IL1RAPL1: variants seen among roughly 807,000 people sequenced by gnomAD.
IL1RAPL1 encodes interleukin-1 receptor accessory protein-like 1.
Under a neutral mutation model 48.4 loss-of-function variants are expected in IL1RAPL1, and 3 were observed. The observed-to-expected ratio is 0.06, with a 90% CI of 0.03 to 0.16. The LOEUF (loss-of-function observed/expected upper bound fraction) is 0.16, where lower values mean the gene tolerates loss of function less well. Ranked by LOEUF, IL1RAPL1 falls within the 10% of genes least tolerant of loss-of-function variation. The pLI is 1.00. For synonymous variants in IL1RAPL1, 185 were observed against 187.7 expected, an observed-to-expected ratio of 0.99 and a Z score of 0.12; for missense variants, 349 against 530.6, an observed-to-expected ratio of 0.66 and a Z score of 3.36.
intron 2 of IL1RAPL1, among the ~76,000 whole-genome samples, chrX:29,106,946 G>C (rs1046629383): frequency 9.0e-6 from 1 of 111,076 alleles, no homozygotes; most frequent in African/African-American, 3.3e-5. Context: ...AGGGGAAATG[G>C]GCCCCATAAA....
chrX:29,320,919 T>A (rs188297880), intron 3 of IL1RAPL1, among the ~76,000 whole-genome samples: 92 of 111,267 alleles, frequency 8.3e-4, no homozygotes, highest in African/African-American at 3.0e-3. Flanking sequence ...ATTATTATTA[T>A]TAATAATATT....
intron 6 of IL1RAPL1, among the ~76,000 whole-genome samples, chrX:29,910,323 C>G (rs1248251557): frequency 1.8e-5 from 2 of 109,864 alleles, no homozygotes; most frequent in Non-Finnish European, 3.8e-5. Context: ...ACACCAAACC[C>G]CTGTGACATA....
At chrX:29,607,785 A>G (rs762099939) in intron 5 of IL1RAPL1, among the ~76,000 whole-genome samples, 11 of 111,183 alleles carry the variant, frequency 9.9e-5, no homozygotes, top group Non-Finnish European at 1.5e-4. Flanking sequence ...CTTCTTCCTC[A>G]TCTCATGTTA....
chrX:29,294,949 CAG>C (rs1215153154), intron 3 of IL1RAPL1, among the ~76,000 whole-genome samples: 1 of 111,157 alleles, frequency 9.0e-6, no homozygotes, highest in Non-Finnish European at 1.9e-5. Flanking sequence ...GAATGGAAAA[CAG>C]AAAGCAGTTT....
intron 2 of IL1RAPL1, among the ~76,000 whole-genome samples, chrX:29,266,908 T>C (rs1931964065): frequency 8.9e-6 from 1 of 111,819 alleles, no homozygotes; most frequent in Admixed American, 9.5e-5. Context: ...GGCTAGCTCA[T>C]CTTTTCTAAT....
chrX:29,511,000 CCTT>C (rs1338670168), intron 5 of IL1RAPL1, among the ~76,000 whole-genome samples: 2 of 111,747 alleles, frequency 1.8e-5, no homozygotes, highest in African/African-American at 3.3e-5. Context: ...TGCTTGAACT[CCTT>C]CTTTATAGTC....
At chrX:28,859,660 G>A (rs887752353) in intron 2 of IL1RAPL1, among the ~76,000 whole-genome samples, 22 of 108,962 alleles carry the variant, frequency 2.0e-4, no homozygotes, top group Non-Finnish European at 3.8e-4. Flanking sequence ...CTAGGTTATG[G>A]TATTTATGTT....
chrX:29,879,133 G>C lies in IL1RAPL1; in HGVS notation c.779-38331G>C, dbSNP rs891349134. ...ACATGGATAGATCTCAAAGACATTA[G>C]GATGAGTGAAACGATCTGGTCTGAA... On this transcript the variant is annotated intron_variant, in intron 6 of 10. Transcript: ENST00000378993. 4.5e-5 allele frequency among the ~76,000 whole-genome samples: 5 copies of C among 111,256 alleles called. No individual in the cohort carries two copies. The Admixed American group carries it at 4.8e-4, about 11-fold the overall frequency.
At chrX:28,647,532 T>C (rs1934628086) in intron 1 of IL1RAPL1, among the ~76,000 whole-genome samples, 1 of 112,315 alleles carries the variant, frequency 8.9e-6, no homozygotes, top group Non-Finnish European at 1.9e-5. Flanking sequence ...TTCTACAGAG[T>C]CTTAGTAGGA....
intron 6 of IL1RAPL1, among the ~76,000 whole-genome samples, chrX:29,773,940 G>T (rs1292672158): frequency 8.9e-6 from 1 of 111,968 alleles, no homozygotes; most frequent in Non-Finnish European, 1.9e-5. Context: ...TATGCCTCAT[G>T]CACATGTAAC....
intron 5 of IL1RAPL1, among the ~76,000 whole-genome samples, chrX:29,428,324 G>A (rs1223818957): frequency 9.0e-6 from 1 of 111,700 alleles, no homozygotes; most frequent in Non-Finnish European, 1.9e-5. Context: ...AGTAGGGATT[G>A]CACCGGATAG....
In IL1RAPL1 at chrX:29,302,151, G is replaced by A. The variant is rs370454575; in HGVS notation, c.362+18934G>A. Among the ~76,000 whole-genome samples the A allele has an allele frequency of 9.8e-5, 11 of 111,695 alleles. No homozygotes were observed. The East Asian group carries it at 1.7e-3, about 17-fold the overall frequency. On this transcript the variant is annotated intron_variant, in intron 3 of 10. Transcript: ENST00000378993. ...AGTGATCCAGGATGGCCTAAATGTCGCAGAGAAAATTATTCTATATATTCA... is the reference window on the plus strand; with the variant it reads ...AGTGATCCAGGATGGCCTAAATGTCACAGAGAAAATTATTCTATATATTCA...
At chrX:29,130,753 G>GAACCCAGA (rs1172268220) in intron 2 of IL1RAPL1, among the ~76,000 whole-genome samples, 1 of 111,913 alleles carries the variant, frequency 8.9e-6, no homozygotes, top group African/African-American at 3.2e-5. Context: ...ATAGTAGCTG[G>GAACCCAGA]AACCCAGAAA....
At chrX:29,938,456 A>C (rs1273572648) in intron 8 of IL1RAPL1, among the ~76,000 whole-genome samples, 3 of 111,718 alleles carry the variant, frequency 2.7e-5, no homozygotes, top group Non-Finnish European at 5.6e-5. Flanking sequence ...CCGTAAAAGA[A>C]TCATTCCCTG....
chrX:28,659,483 C>A, intron 1 of IL1RAPL1: 1 of 498,845 alleles, frequency 2.0e-6, no homozygotes, highest in Non-Finnish European at 3.7e-6. Context: ...ATAGAGACCT[C>A]CTTGCTTAAC....
At chrX:28,982,423 A>C (rs1156721204) in intron 2 of IL1RAPL1, among the ~76,000 whole-genome samples, 1 of 111,948 alleles carries the variant, frequency 8.9e-6, no homozygotes, top group Non-Finnish European at 1.9e-5. Context: ...TCTTGTGAGG[A>C]TTAACTGAGT....
chrX:29,020,518 A>G (rs907194113), intron 2 of IL1RAPL1, among the ~76,000 whole-genome samples: 4 of 112,302 alleles, frequency 3.6e-5, no homozygotes, highest in Non-Finnish European at 5.6e-5. Context: ...CGCATTGTGT[A>G]AGTATTCTCT....
At chrX:29,334,018 G>T (rs1293019971) in intron 3 of IL1RAPL1, among the ~76,000 whole-genome samples, 2 of 86,314 alleles carry the variant, frequency 2.3e-5, no homozygotes, top group Non-Finnish European at 4.7e-5. Context: ...CTGGCCGGGC[G>T]GGGGGCTGAT....
chrX:29,801,289 A>G (rs1203279527), intron 6 of IL1RAPL1, among the ~76,000 whole-genome samples: 1 of 110,647 alleles, frequency 9.0e-6, no homozygotes, highest in Non-Finnish European at 1.9e-5. Context: ...TGTTCTGAAA[A>G]TCTTCCCTTA....
Sources: allele counts gnomAD v4.1 joint callset (sites outside exome capture counted in the v4.1 genomes callset), GRCh38; gene constraint gnomAD v4.1.1; transcripts MANE v1.5; gene names NCBI Gene and HGNC (gene_info 2026-07-23, HGNC 2026-07-21).